The following ABHD12 variants were observed in gnomAD, a reference collection of about 807,000 sequenced individuals.
The protein encoded by ABHD12 is lysophosphatidylserine lipase ABHD12.
Under a neutral mutation model 58.3 loss-of-function variants are expected in ABHD12, and 43 were observed. That is an observed-to-expected ratio of 0.74 (90% CI 0.58 to 0.95). ABHD12 has a LOEUF of 0.95. ABHD12 is among the 40% of genes least tolerant of loss of function. ABHD12 has a pLI of 0.00. For synonymous variants in ABHD12, 219 were observed against 211.2 expected, an observed-to-expected ratio of 1.04 and a Z score of -0.32; for missense variants, 539 against 537.2, an observed-to-expected ratio of 1.00 and a Z score of -0.03.
intron 2 of ABHD12, among the ~76,000 whole-genome samples, chr20:25,330,376 G>A (rs946599280): frequency 3.7e-4 from 57 of 152,224 alleles, no homozygotes; most frequent in African/African-American, 1.3e-3. Flanking sequence ...AGGCAGCAGC[G>A]AGGCTTGGGG....
rs562316118 is a variant in ABHD12, at chr20:25,356,045, G to A, written c.192-16694C>T. On this transcript the variant is annotated intron_variant, in intron 1 of 12. Coordinates refer to ENST00000339157, the MANE Select transcript of ABHD12 (RefSeq NM_001042472.3). Reference sequence around the variant, plus strand: ...AACAAAAGCCATTCTAACAACCAGGGGAGCCCACAAGATCATCTGTGTTGA... The same window carrying A: ...AACAAAAGCCATTCTAACAACCAGGAGAGCCCACAAGATCATCTGTGTTGA... 9.1e-4 allele frequency among the ~76,000 whole-genome samples: 139 copies of A among 152,280 alleles called. 7 individuals are homozygous for A. The South Asian group carries it at 0.029, about 31-fold the overall frequency.
At chr20:25,358,708 C>T (rs554027345) in intron 1 of ABHD12, among the ~76,000 whole-genome samples, 34 of 152,164 alleles carry the variant, frequency 2.2e-4, no homozygotes, top group Non-Finnish European at 3.1e-4. Flanking sequence ...CATAGGGTGG[C>T]ACTCCGGGCA....
chr20:25,358,300 G>A (rs1204162459), intron 1 of ABHD12, among the ~76,000 whole-genome samples: 1 of 152,170 alleles, frequency 6.6e-6, no homozygotes, highest in Non-Finnish European at 1.5e-5. Context: ...TTAAATAAAC[G>A]ATGAGCCCAT....
At position 25,317,030 on chromosome 20, in the gene ABHD12, G is replaced by C; in HGVS notation, c.573+18C>G. On this transcript the variant is annotated intron_variant, in intron 5 of 12. Coordinates refer to ENST00000339157, the MANE Select transcript of ABHD12 (RefSeq NM_001042472.3). ...AAGAACAGCCCAGGGAACAGGTGTG[G>C]GTGCTGCCTGCACTCACCTTGTAAA... 1 of 1,611,172 alleles carries C rather than the reference G, an allele frequency of 6.2e-7. No individual in the cohort carries two copies. The highest frequency in any genetic ancestry group is 8.5e-7 in the Non-Finnish European group (1 of 1,177,934).
chr20:25,328,132 C>T (rs944580214), intron 2 of ABHD12, among the ~76,000 whole-genome samples: 3 of 151,564 alleles, frequency 2.0e-5, no homozygotes, highest in Non-Finnish European at 4.4e-5. Flanking sequence ...CACAGCCATA[C>T]AAGAATTTAG....
chr20:25,339,531 T>A, intron 1 of ABHD12, 180 bp from the exon 2 acceptor site: 1 of 1,387,622 alleles, frequency 7.2e-7, no homozygotes, highest in Non-Finnish European at 1.0e-6. Flanking sequence ...TTTTACATAG[T>A]CTTTTAATTT....
intron 2 of ABHD12, chr20:25,339,005 CT>C: frequency 3.0e-6 from 4 of 1,318,300 alleles, no homozygotes; most frequent in Non-Finnish European, 2.9e-6. Flanking sequence ...GCACAGGGAC[CT>C]TTTTGGGTAA....
At chr20:25,312,547 C>A (rs929738378) in intron 6 of ABHD12, among the ~76,000 whole-genome samples, 1 of 152,192 alleles carries the variant, frequency 6.6e-6, no homozygotes, top group African/African-American at 2.4e-5. Context: ...ACCTCCCAGC[C>A]GCCTGCTTTG....
intron 11 of ABHD12, chr20:25,303,122 T>C (rs927021489): frequency 4.2e-6 from 3 of 712,068 alleles, no homozygotes; most frequent in Non-Finnish European, 5.5e-6. Context: ...TCTCTATCAA[T>C]TTTGACTGTG....
At chr20:25,339,040 T>G (rs1185673135) in intron 2 of ABHD12, 187 bp downstream of exon 2, 4 of 1,387,864 alleles carry the variant, frequency 2.9e-6, no homozygotes. Context: ...GTTCTCAATC[T>G]GGGTGGTAGC....
chr20:25,389,570 G>A (rs1470422015), intron 1 of ABHD12, among the ~76,000 whole-genome samples: 2 of 152,194 alleles, frequency 1.3e-5, no homozygotes, highest in Admixed American at 1.3e-4. Context: ...TTCTACAACA[G>A]CCAGATAATT....
intron 1 of ABHD12, among the ~76,000 whole-genome samples, chr20:25,363,032 T>C (rs2089773803): frequency 6.6e-6 from 1 of 151,938 alleles, no homozygotes; most frequent in South Asian, 2.1e-4. Context: ...TCAATGGCAA[T>C]TTTGACTCCT....
downstream of ABHD12, chr20:25,296,539 C>T (rs745519628): frequency 1.6e-5 from 25 of 1,596,000 alleles, no homozygotes; most frequent in Admixed American, 5.2e-5. Flanking sequence ...CCTGCCTTGG[C>T]GGGACCAGCG....
intron 2 of ABHD12, among the ~76,000 whole-genome samples, chr20:25,337,126 T>G (rs2089384852): frequency 6.6e-6 from 1 of 151,950 alleles, no homozygotes; most frequent in Non-Finnish European, 1.5e-5. Context: ...AGCCAGACGT[T>G]GTGGTGGTGG....
chr20:25,349,099 AG>A (rs1474656631), intron 1 of ABHD12, among the ~76,000 whole-genome samples: 2 of 150,326 alleles, frequency 1.3e-5, no homozygotes, highest in African/African-American at 2.5e-5. Flanking sequence ...AAAAAAAAAA[AG>A]AAAAAAAGAA....
At chr20:25,313,029 C>T (rs1470477345) in intron 6 of ABHD12, among the ~76,000 whole-genome samples, 1 of 152,042 alleles carries the variant, frequency 6.6e-6, no homozygotes, top group Non-Finnish European at 1.5e-5. Context: ...GCCCGGCTGC[C>T]CCTTCTGGGA....
chr20:25,387,869 C>T (rs1457090160), intron 1 of ABHD12, among the ~76,000 whole-genome samples: 2 of 151,790 alleles, frequency 1.3e-5, no homozygotes, highest in Admixed American at 6.6e-5. Flanking sequence ...GGTGAAACCC[C>T]GTCTCTACTA....
chr20:25,351,845 G>A (rs1306213458), intron 1 of ABHD12, among the ~76,000 whole-genome samples: 2 of 152,070 alleles, frequency 1.3e-5, no homozygotes, highest in African/African-American at 2.4e-5. Context: ...AGGTTGAGGT[G>A]AGCTGAGATT....
At chr20:25,366,988 C>T (rs942625438) in intron 1 of ABHD12, among the ~76,000 whole-genome samples, 3 of 151,988 alleles carry the variant, frequency 2.0e-5, no homozygotes, top group Non-Finnish European at 2.9e-5. Flanking sequence ...ACCCTTGGTA[C>T]GAGATCTCTG....
Sources: gnomAD v4.1 joint callset for allele counts (sites outside exome capture counted in the v4.1 genomes callset) on GRCh38, gnomAD v4.1.1 for gene constraint, MANE v1.5 for transcripts, NCBI Gene and HGNC (gene_info 2026-07-23, HGNC 2026-07-21) for gene names.